The following NELL1 variants were observed in gnomAD, a reference collection of about 807,000 sequenced individuals.
NELL1 encodes neural EGFL like 1.
In NELL1, 76 loss-of-function variants were observed where a neutral mutation model predicts 107.4. That is an observed-to-expected ratio of 0.71 (90% confidence interval 0.59 to 0.86). The LOEUF is 0.86. NELL1 is among the 40% of genes least tolerant of loss of function. The pLI, the probability that NELL1 is intolerant of heterozygous loss-of-function variation, is 0.00. For missense variants in NELL1, 1,024 were observed against 1,005.5 expected, an observed-to-expected ratio of 1.02 and a Z score of -0.25; for synonymous variants, 353 against 341.2, an observed-to-expected ratio of 1.03 and a Z score of -0.38.
chr11:21,068,032 CA>C (rs1195285619), intron 12 of NELL1, among the ~76,000 whole-genome samples: 496 of 40,288 alleles, frequency 0.012, 2 homozygotes, highest in Middle Eastern at 0.067. Flanking sequence ...GATGCCATCT[CA>C]AAAAAAAAAA....
chr11:21,310,889 G>A (rs1217871871), intron 14 of NELL1, among the ~76,000 whole-genome samples: 1 of 152,098 alleles, frequency 6.6e-6, no homozygotes, highest in Non-Finnish European at 1.5e-5. Context: ...ATCTGTATCT[G>A]ATGGGTGCTG....
intron 12 of NELL1, among the ~76,000 whole-genome samples, chr11:20,999,719 T>C (rs1196564413): frequency 7.8e-6 from 1 of 127,580 alleles, no homozygotes; most frequent in Non-Finnish European, 1.5e-5. Context: ...TTGGTACCCT[T>C]GCAAAAAAAA....
intron 15 of NELL1, among the ~76,000 whole-genome samples, chr11:21,417,008 C>T (rs1294898685): frequency 6.6e-6 from 1 of 151,870 alleles, no homozygotes; most frequent in Non-Finnish European, 1.5e-5. Context: ...AAATAATTTG[C>T]CCGAAGTCCA....
rs940322294 is a variant in NELL1 at position 21,175,108 on chromosome 11, G to C, written c.1427-54224G>C. On this transcript the variant is annotated intron_variant, in intron 13 of 19. Coordinates refer to ENST00000357134, the MANE Select transcript of NELL1 (RefSeq NM_006157.5). ...TGAGACTTAAATTTACTGAATTGCT[G>C]TCTAAAATTAGTAGCAGCGTAATTC... is the stretch of plus-strand genomic sequence containing the variant. Among the ~76,000 whole-genome samples, 18 of 151,750 alleles carry C rather than the reference G, an allele frequency of 1.2e-4. 1 individual carries two copies. Among genetic ancestry groups the C allele is most frequent in the African/African-American group, 3.9e-4 (16 of 41,090 alleles).
chr11:21,573,118 C>T (rs1307678185), intron 18 of NELL1, 67 bp from the exon 19 acceptor site: 1 of 1,222,052 alleles, frequency 8.2e-7, no homozygotes, highest in Middle Eastern at 2.0e-4. Context: ...CTTTCCCCTT[C>T]TATGACTTTG....
intron 14 of NELL1, among the ~76,000 whole-genome samples, chr11:21,281,798 G>C (rs181474703): frequency 6.6e-6 from 1 of 152,132 alleles, no homozygotes; most frequent in Admixed American, 6.6e-5. Flanking sequence ...AGACCATTAA[G>C]GTGCTACATC....
intron 12 of NELL1, among the ~76,000 whole-genome samples, chr11:21,084,414 G>A (rs1380853820): frequency 6.6e-6 from 1 of 152,180 alleles, no homozygotes; most frequent in Non-Finnish European, 1.5e-5. Context: ...AGCATAAAAT[G>A]AGATAATGAA....
chr11:20,670,540 C>T (rs1416220291), intron 1 of NELL1: 1 of 152,334 alleles, frequency 6.6e-6, no homozygotes, highest in South Asian at 2.1e-4. Context: ...GTTCTGCCTC[C>T]GGAGACGCAG....
intron 15 of NELL1, among the ~76,000 whole-genome samples, chr11:21,408,881 A>T (rs1278213941): frequency 6.6e-6 from 1 of 152,024 alleles, no homozygotes; most frequent in Admixed American, 6.6e-5. Context: ...CCACAATGAG[A>T]TACCATCTCA....
At chr11:21,274,028 A>G (rs1159243102) in intron 14 of NELL1, among the ~76,000 whole-genome samples, 6 of 152,212 alleles carry the variant, frequency 3.9e-5, no homozygotes, top group African/African-American at 7.2e-5. Flanking sequence ...CATCATAATG[A>G]CAGGATCAAA....
At chr11:21,175,340 TC>T (rs1565096583) in intron 13 of NELL1, among the ~76,000 whole-genome samples, 1 of 151,798 alleles carries the variant, frequency 6.6e-6, no homozygotes, top group Non-Finnish European at 1.5e-5. Flanking sequence ...TCTCTTTTTT[TC>T]TAACTCGAGA....
At chr11:21,235,661 G>A (rs560790672) in intron 14 of NELL1, among the ~76,000 whole-genome samples, 54 of 152,168 alleles carry the variant, frequency 3.5e-4, no homozygotes, top group Middle Eastern at 6.8e-3. Context: ...AATCATAAGC[G>A]TAAAGACAAG....
chr11:21,467,814 T>G (rs1854070447), intron 15 of NELL1, among the ~76,000 whole-genome samples: 1 of 151,978 alleles, frequency 6.6e-6, no homozygotes, highest in Non-Finnish European at 1.5e-5. Flanking sequence ...TGAATGAGAA[T>G]CCCTTGGAAC....
intron 17 of NELL1, 59 bp from the exon 18 acceptor site, chr11:21,570,705 A>C: frequency 1.3e-6 from 2 of 1,521,950 alleles, no homozygotes; most frequent in Non-Finnish European, 9.0e-7. Flanking sequence ...CATTTCTCTT[A>C]GTGTAGCTGT....
Position 21,499,333 on chromosome 11 carries a change from A to C in NELL1, c.1646-35041A>C, listed in dbSNP as rs541680599. On this transcript the variant is annotated intron_variant, in intron 15 of 19. Coordinates refer to ENST00000357134, the MANE Select transcript of NELL1 (RefSeq NM_006157.5). ...TATTTGACTAGTCCATCTTTACTCC[A>C]CTGATAATGCTTCTATTATTTTCAC... Among the ~76,000 whole-genome samples the C allele has an allele frequency of 5.9e-5, 9 of 152,194 alleles. 1 individual carries two copies. In the South Asian group the frequency reaches 1.9e-3, roughly 32 times the overall value.
chr11:21,054,161 G>A (rs1204449625), intron 12 of NELL1, among the ~76,000 whole-genome samples: 3 of 151,752 alleles, frequency 2.0e-5, no homozygotes, highest in Non-Finnish European at 2.9e-5. Context: ...ATTTCTGCCT[G>A]TGTGTTTCCC....
At chr11:21,456,235 T>A (rs1341340655) in intron 15 of NELL1, among the ~76,000 whole-genome samples, 2 of 152,110 alleles carry the variant, frequency 1.3e-5, no homozygotes, top group African/African-American at 4.8e-5. Context: ...TATGTTGTAT[T>A]GCTTGATATT....
intron 13 of NELL1, among the ~76,000 whole-genome samples, chr11:21,178,520 G>T (rs578218774): frequency 6.6e-6 from 1 of 151,610 alleles, no homozygotes; most frequent in Non-Finnish European, 1.5e-5. Context: ...TAATCTCAGC[G>T]CTTTGGGAGG....
Position 21,060,516 on chromosome 11 carries a change from A to G in NELL1, c.1301-53073A>G, listed in dbSNP as rs145453394. Among the ~76,000 whole-genome samples, 439 of 152,296 alleles carry G rather than the reference A, an allele frequency of 2.9e-3. 2 individuals are homozygous for G. Among genetic ancestry groups the G allele is most frequent in the African/African-American group, 0.01 (419 of 41,558 alleles). On this transcript the variant is annotated intron_variant, in intron 12 of 19. Transcript: ENST00000357134. ...AACATTGCAACCTAGTTCTCATTAT[A>G]CTTGCTGACATCTGGTAAAATGTTA...
Sources: gnomAD v4.1 joint callset for allele counts (sites outside exome capture counted in the v4.1 genomes callset) on GRCh38, gnomAD v4.1.1 for gene constraint, MANE v1.5 for transcripts, NCBI Gene and HGNC (gene_info 2026-07-23, HGNC 2026-07-21) for gene names.